Variants in CTNNA3 observed in about 807,000 individuals in gnomAD.
CTNNA3 encodes catenin alpha 3, also known as catenin alpha-3.
Under a neutral mutation model 95.7 loss-of-function variants are expected in CTNNA3, and 76 were observed. The observed-to-expected ratio is 0.79, with a 90% CI of 0.66 to 0.96. CTNNA3 has a LOEUF of 0.96. Among genes scored for constraint, CTNNA3 ranks in the 40% least tolerant of loss-of-function variants. CTNNA3 has a pLI of 0.00. For synonymous variants in CTNNA3, 431 were observed against 374.4 expected (o/e 1.15, Z -1.74); for missense variants, 1,191 against 1,089.8 (o/e 1.09, Z -1.31).
intron 13 of CTNNA3, among the ~76,000 whole-genome samples, chr10:66,140,728 C>G (rs1328761557): frequency 6.6e-6 from 1 of 152,150 alleles, no homozygotes; most frequent in Non-Finnish European, 1.5e-5. Flanking sequence ...TTGTAAAAGA[C>G]CTATGTGAGG....
At chr10:67,543,959 A>G (rs1840761478) in intron 3 of CTNNA3, among the ~76,000 whole-genome samples, 1 of 151,920 alleles carries the variant, frequency 6.6e-6, no homozygotes, top group Non-Finnish European at 1.5e-5. Context: ...AATAGTAAAG[A>G]CTCCCCTTTA....
chr10:66,977,606 A>C (rs1040363745), intron 7 of CTNNA3, among the ~76,000 whole-genome samples: 3 of 152,196 alleles, frequency 2.0e-5, no homozygotes, highest in African/African-American at 7.2e-5. Context: ...CAGCATTCCT[A>C]TCTAAAGAGC....
chr10:66,166,231 G>A (rs956464571), intron 13 of CTNNA3, among the ~76,000 whole-genome samples: 5 of 151,946 alleles, frequency 3.3e-5, no homozygotes, highest in African/African-American at 7.2e-5. Flanking sequence ...TGAGGTGGCC[G>A]GATCACCTGA....
intron 5 of CTNNA3, among the ~76,000 whole-genome samples, chr10:67,391,851 T>A (rs911035732): frequency 2.6e-5 from 4 of 151,530 alleles, no homozygotes; most frequent in African/African-American, 9.8e-5. Flanking sequence ...TGGCTACCCA[T>A]TTGTAGAAAG....
chr10:67,697,647 G>T (rs1053013907), upstream of CTNNA3, among the ~76,000 whole-genome samples: 3 of 152,194 alleles, frequency 2.0e-5, no homozygotes, highest in Admixed American at 2.0e-4. Flanking sequence ...GAACTCTTCA[G>T]AGATGCAATA....
chr10:67,289,946 T>C (rs10823018), intron 5 of CTNNA3, among the ~76,000 whole-genome samples: 37,883 of 151,642 alleles, frequency 0.25, 6,897 homozygotes, highest in African/African-American at 0.51. Context: ...ACTGCAGGCA[T>C]ATACCACATG....
At chr10:67,346,240 T>C (rs1842410107) in intron 5 of CTNNA3, among the ~76,000 whole-genome samples, 1 of 152,200 alleles carries the variant, frequency 6.6e-6, no homozygotes, top group African/African-American at 2.4e-5. Context: ...TCCTGTAGTC[T>C]TTCCACTTAA....
At chr10:67,637,054 T>C (rs554093571) in intron 2 of CTNNA3, among the ~76,000 whole-genome samples, 6 of 152,074 alleles carry the variant, frequency 3.9e-5, no homozygotes, top group African/African-American at 1.4e-4. Flanking sequence ...CTTCAGATGA[T>C]CAAACTTCTC....
At position 67,219,652 on chromosome 10, in the gene CTNNA3, T is replaced by C; in HGVS notation, c.798A>G (p.Pro266=). 1 of 1,614,148 alleles carries C rather than the reference T, an allele frequency of 6.2e-7. No homozygotes were observed. The highest frequency in any genetic ancestry group is 8.5e-7 in the Non-Finnish European group (1 of 1,179,996). ...TTCCCAGGGTTGCTGCCTGAGGTTC[T>C]GGTGGGGTTGTCATATTCTGGATCC... ...SQGIQNMTTP[P]EPQAATLGSA... Residue 266 remains proline (P), a synonymous_variant, in exon 6 of 18, where the codon CCA becomes CCG. Coordinates refer to ENST00000433211, the MANE Select transcript of CTNNA3 (RefSeq NM_013266.4).
Position 65,920,236 on chromosome 10 carries a change from A to T in CTNNA3, c.*94T>A. 9.0e-7 allele frequency: 1 copy of T among 1,114,272 alleles called. No homozygotes were observed. Among genetic ancestry groups the T allele is most frequent in the Non-Finnish European group, 1.3e-6 (1 of 769,790 alleles). The allele number at this position is 1,114,272 out of a possible 1,614,324, so 69.0% of individuals were successfully genotyped here. A position where few individuals can be genotyped will look rare whatever the true frequency, so the allele number is the denominator to read the frequency against. On this transcript the variant is annotated 3_prime_UTR_variant, in exon 18 of 18. Coordinates refer to ENST00000433211, the MANE Select transcript of CTNNA3 (RefSeq NM_013266.4). ...TGTTATTTGTGAGTTAAACACCAAA[A>T]CTTAGTGAAATTACAGAACTTCTTA...
intron 13 of CTNNA3, among the ~76,000 whole-genome samples, chr10:66,223,065 A>C (rs985399494): frequency 6.6e-6 from 1 of 152,066 alleles, no homozygotes. Context: ...AAAACCAAAA[A>C]CAAACAAACA....
At chr10:66,360,644 TTTC>T (rs1281926524) in intron 12 of CTNNA3, among the ~76,000 whole-genome samples, 1,209 of 62,672 alleles carry the variant, frequency 0.019, 33 homozygotes, top group African/African-American at 0.069. Flanking sequence ...TCTTTCTTTC[TTTC>T]TTTCTTTCTT....
intron 12 of CTNNA3, among the ~76,000 whole-genome samples, chr10:66,340,300 T>C (rs1235224019): frequency 2.0e-5 from 3 of 151,830 alleles, no homozygotes; most frequent in Non-Finnish European, 4.4e-5. Context: ...CCATTGCAGA[T>C]ACCAATTCTA....
chr10:66,013,561 C>T lies in CTNNA3; in HGVS notation c.2160-24764G>A, dbSNP rs545279277. 2.6e-5 allele frequency among the ~76,000 whole-genome samples: 4 copies of T among 152,238 alleles called. No homozygotes were observed. The East Asian group carries it at 7.7e-4, about 29-fold the overall frequency. On this transcript the variant is annotated intron_variant, in intron 15 of 17. Coordinates refer to ENST00000433211, the MANE Select transcript of CTNNA3 (RefSeq NM_013266.4). ...TAGTATTTTGCTAACGCGCTTTTAACTGATAATTTCAAATGTTTCTGCAAG... is the reference window on the plus strand; with the variant it reads ...TAGTATTTTGCTAACGCGCTTTTAATTGATAATTTCAAATGTTTCTGCAAG...
intron 5 of CTNNA3, among the ~76,000 whole-genome samples, chr10:67,500,025 G>C (rs548162206): frequency 5.7e-4 from 87 of 152,030 alleles, no homozygotes; most frequent in Non-Finnish European, 1.2e-3. Context: ...TGTGACGTTA[G>C]GGTGTCAATT....
chr10:66,914,240 C>G (rs916454868), intron 7 of CTNNA3, among the ~76,000 whole-genome samples: 3 of 151,414 alleles, frequency 2.0e-5, no homozygotes, highest in Non-Finnish European at 4.4e-5. Context: ...ACGCCATTCT[C>G]CTGCCTCAGC....
intron 7 of CTNNA3, among the ~76,000 whole-genome samples, chr10:66,781,570 A>T (rs2132846843): frequency 6.6e-6 from 1 of 152,334 alleles, no homozygotes; most frequent in East Asian, 1.9e-4. Context: ...GTGAAAATAC[A>T]ACTAAAACAA....
upstream of CTNNA3, among the ~76,000 whole-genome samples, chr10:67,699,373 G>C (rs1841015274): frequency 6.6e-6 from 1 of 152,066 alleles, no homozygotes; most frequent in Admixed American, 6.6e-5. Context: ...TCCCAAAAGG[G>C]TCATTTTTAA....
chr10:66,928,252 C>T, intron 7 of CTNNA3: 1 of 1,614,112 alleles, frequency 6.2e-7, no homozygotes, highest in Non-Finnish European at 8.5e-7. Flanking sequence ...GAAGCGGTAC[C>T]CTGCGAGCAT....
Sources: gnomAD v4.1 joint callset for allele counts (sites outside exome capture counted in the v4.1 genomes callset) on GRCh38, gnomAD v4.1.1 for gene constraint, MANE v1.5 for transcripts, NCBI Gene and HGNC (gene_info 2026-07-23, HGNC 2026-07-21) for gene names.